Variants in MYO16 observed in about 807,000 individuals in gnomAD.
The protein encoded by MYO16 is unconventional myosin-XVI.
MYO16 carries 94 observed loss-of-function variants against 205.3 expected under a neutral mutation model. That is an observed-to-expected ratio of 0.46 (90% CI 0.39 to 0.54). The LOEUF (loss-of-function observed/expected upper bound fraction) is 0.54. Among genes scored for constraint, MYO16 ranks in the 20% least tolerant of loss-of-function variants. The pLI, the probability that MYO16 is intolerant of heterozygous loss-of-function variation, is 0.00. For synonymous variants in MYO16, 988 were observed against 954.0 expected (o/e 1.04, Z -0.66); for missense variants, 2,315 against 2,387.5 (o/e 0.97, Z 0.63).
the MYO16 span, among the ~76,000 whole-genome samples, chr13:108,556,764 A>G: frequency 6.6e-6 from 1 of 151,914 alleles, no homozygotes; most frequent in East Asian, 1.9e-4. Flanking sequence ...ATAGTTTCAG[A>G]TCTTGAATTG....
At chr13:108,973,732 T>C (rs972529457) in intron 20 of MYO16, among the ~76,000 whole-genome samples, 4 of 152,178 alleles carry the variant, frequency 2.6e-5, no homozygotes, top group African/African-American at 9.7e-5. Context: ...AGTACATTCA[T>C]CCCTAGCATC....
chr13:109,045,249 G>A (rs1289866367), intron 23 of MYO16, among the ~76,000 whole-genome samples: 4 of 152,130 alleles, frequency 2.6e-5, no homozygotes, highest in Admixed American at 6.5e-5. Context: ...ATAACTCCAC[G>A]CTGTGGGAGC....
At chr13:108,915,445 C>T (rs1379545638) in intron 16 of MYO16, among the ~76,000 whole-genome samples, 2 of 152,178 alleles carry the variant, frequency 1.3e-5, no homozygotes, top group Non-Finnish European at 1.5e-5. Flanking sequence ...CCAAAAGTTT[C>T]TTTTTCACTT....
chr13:108,805,042 A>C (rs1231260511), intron 6 of MYO16, among the ~76,000 whole-genome samples: 1 of 152,222 alleles, frequency 6.6e-6, no homozygotes, highest in Admixed American at 6.6e-5. Flanking sequence ...TATGCTAAAA[A>C]TTAGTATCTT....
intron 20 of MYO16, among the ~76,000 whole-genome samples, chr13:108,974,704 G>T (rs61694485): frequency 6.6e-6 from 1 of 152,044 alleles, no homozygotes; most frequent in Non-Finnish European, 1.5e-5. Flanking sequence ...CCTAATAGAT[G>T]GATAACATAA....
At chr13:109,146,748 G>C (rs1231205088) in intron 32 of MYO16, among the ~76,000 whole-genome samples, 1 of 151,884 alleles carries the variant, frequency 6.6e-6, no homozygotes, top group Non-Finnish European at 1.5e-5. Flanking sequence ...AGTGGCCGTG[G>C]TTGCTCCACT....
chr13:108,695,462 C>T (rs147835088), intron 2 of MYO16, among the ~76,000 whole-genome samples: 176 of 152,120 alleles, frequency 1.2e-3, no homozygotes, highest in African/African-American at 4.1e-3. Context: ...ACAAGTAAGT[C>T]CTTAACTCTG....
At chr13:108,689,133 CTTTAATAA>C (rs75197912) in intron 2 of MYO16, among the ~76,000 whole-genome samples, 43,762 of 152,032 alleles carry the variant, frequency 0.29, 7,013 homozygotes, top group East Asian at 0.5. Context: ...AGTTGATAAT[CTTTAATAA>C]CATACATTGT....
intron 20 of MYO16, among the ~76,000 whole-genome samples, chr13:108,975,798 T>G (rs1309113232): frequency 1.3e-5 from 2 of 152,146 alleles, no homozygotes; most frequent in East Asian, 3.9e-4. Flanking sequence ...CCACCCTCCA[T>G]GTGAAATGGA....
chr13:108,944,007 G>A (rs1594414902), intron 16 of MYO16, among the ~76,000 whole-genome samples: 1 of 152,248 alleles, frequency 6.6e-6, no homozygotes, highest in Non-Finnish European at 1.5e-5. Flanking sequence ...ATTTAGAACA[G>A]TTGCGTTAGC....
chr13:108,774,502 A>G (rs752021949), intron 4 of MYO16, among the ~76,000 whole-genome samples: 1 of 152,214 alleles, frequency 6.6e-6, no homozygotes, highest in Non-Finnish European at 1.5e-5. Context: ...GATTTTGCAC[A>G]TATAACATTG....
chr13:108,561,113 G>C, the MYO16 span, among the ~76,000 whole-genome samples: 7 of 152,212 alleles, frequency 4.6e-5, no homozygotes, highest in Admixed American at 6.5e-5. Context: ...ACTGAACAGG[G>C]ACGGGTCTGT....
intron 4 of MYO16, among the ~76,000 whole-genome samples, chr13:108,765,069 T>A (rs1885733848): frequency 1.3e-5 from 2 of 152,198 alleles, no homozygotes; most frequent in Non-Finnish European, 2.9e-5. Context: ...AATCTTTTGA[T>A]GTATTTCTTA....
chr13:109,030,159 G>T, intron 23 of MYO16, among the ~76,000 whole-genome samples: 1 of 61,984 alleles, frequency 1.6e-5, no homozygotes, highest in Non-Finnish European at 3.2e-5. Context: ...AAGTGAATCA[G>T]AAGGAAAGCA....
At chr13:108,945,699 T>C (rs1407481369) in intron 16 of MYO16, among the ~76,000 whole-genome samples, 2 of 152,356 alleles carry the variant, frequency 1.3e-5, no homozygotes, top group East Asian at 3.9e-4. Context: ...TCCAATATCC[T>C]ATTACTGATG....
At chr13:108,884,614 T>C (rs979306260) in intron 13 of MYO16, among the ~76,000 whole-genome samples, 1 of 150,960 alleles carries the variant, frequency 6.6e-6, no homozygotes, top group Non-Finnish European at 1.5e-5. Context: ...GACACAAGGA[T>C]GAGAAGGGCG....
intron 16 of MYO16, among the ~76,000 whole-genome samples, chr13:108,924,326 C>T (rs756650542): frequency 1.3e-5 from 2 of 152,206 alleles, no homozygotes; most frequent in Admixed American, 1.3e-4. Context: ...TAGAGCTGAG[C>T]TCCTGCTTTT....
intron 16 of MYO16, among the ~76,000 whole-genome samples, chr13:108,953,425 G>A (rs963721481): frequency 6.6e-6 from 1 of 152,184 alleles, no homozygotes; most frequent in Non-Finnish European, 1.5e-5. Flanking sequence ...ATTGCAACCT[G>A]AGTGTAGGAG....
chr13:108,644,820 C>T (rs1358745844), intron 1 of MYO16, among the ~76,000 whole-genome samples: 2 of 152,134 alleles, frequency 1.3e-5, no homozygotes, highest in Non-Finnish European at 2.9e-5. Flanking sequence ...CCAGAAGACA[C>T]TGGTTTAAAA....
Sources: gnomAD v4.1 joint callset for allele counts (sites outside exome capture counted in the v4.1 genomes callset) on GRCh38, gnomAD v4.1.1 for gene constraint, MANE v1.5 for transcripts, NCBI Gene and HGNC (gene_info 2026-07-23, HGNC 2026-07-21) for gene names.